Variants in UBN2 observed in about 807,000 individuals in gnomAD.
The protein encoded by UBN2 is ubinuclein-2.
Under a neutral mutation model 120.2 loss-of-function variants are expected in UBN2, and 35 were observed. The ratio of observed to expected loss-of-function variants is 0.29; its 90% CI spans 0.22 to 0.39. The LOEUF is 0.39. Among genes scored for constraint, UBN2 ranks in the 10% least tolerant of loss-of-function variants. UBN2 has a pLI of 1.00. For missense variants in UBN2, 1,693 were observed against 1,663.2 expected, an observed-to-expected ratio of 1.02 and a Z score of -0.31; for synonymous variants, 661 against 648.7, an observed-to-expected ratio of 1.02 and a Z score of -0.29.
intron 6 of UBN2, among the ~76,000 whole-genome samples, chr7:139,262,391 C>G (rs1482154548): frequency 6.6e-6 from 1 of 152,118 alleles, no homozygotes; most frequent in Non-Finnish European, 1.5e-5. Context: ...TGACCCACTG[C>G]GCCCAGCCTA....
Position 139,269,528 on chromosome 7 carries a change from G to C in UBN2, c.1596+5G>C. The C allele has an allele frequency of 6.2e-7, 1 of 1,613,452 alleles. No homozygotes were observed. The highest frequency in any genetic ancestry group is 8.5e-7 in the Non-Finnish European group (1 of 1,179,846). On this transcript the variant is annotated splice_donor_5th_base_variant and intron_variant, in intron 8 of 17. Coordinates refer to ENST00000473989, the MANE Select transcript of UBN2 (RefSeq NM_173569.4). ...AAGTTACATCTCAATGTCCAGGTAA[G>C]AGGAAGAACAATAATATCTACATCT...
At chr7:139,251,882 T>C in intron 2 of UBN2, 74 bp from the exon 3 acceptor site, 1 of 1,422,992 alleles carries the variant, frequency 7.0e-7, no homozygotes, top group Non-Finnish European at 9.9e-7. Context: ...ATTTGAATTC[T>C]TCTAACAGGT....
At chr7:139,237,314 G>A (rs1796190776) in intron 2 of UBN2, among the ~76,000 whole-genome samples, 1 of 151,942 alleles carries the variant, frequency 6.6e-6, no homozygotes, top group Non-Finnish European at 1.5e-5. Flanking sequence ...TATTTATTTT[G>A]GAAACAGGGT....
Position 139,272,431 on chromosome 7 carries a change from A to T in UBN2, c.1706A>T (p.Lys569Met), listed in dbSNP as rs760572887. 1.2e-6 allele frequency: 2 copies of T among 1,611,972 alleles called. No individual in the cohort carries two copies. Among genetic ancestry groups the T allele is most frequent in the South Asian group, 2.2e-5 (2 of 90,594 alleles). ...QEDCQARSQAKCAKLQTDEER... is the reference protein window; with the variant it reads ...QEDCQARSQAMCAKLQTDEER... ...GACTGCCAGGCTCGTAGTCAAGCTA[A>T]GTGTGCCAAGTATGTATCTCTTCTA... Residue 569 changes from lysine to methionine, a missense_variant, in exon 9 of 18, where the codon AAG becomes ATG. This residue lies in a region of UBN2 where 178 missense variants were observed against 204.0 expected (regional missense o/e 0.87). Coordinates refer to ENST00000473989, the MANE Select transcript of UBN2 (RefSeq NM_173569.4).
At chr7:139,255,753 T>G (rs1408116228) in intron 3 of UBN2, among the ~76,000 whole-genome samples, 1 of 152,196 alleles carries the variant, frequency 6.6e-6, no homozygotes, top group Non-Finnish European at 1.5e-5. Context: ...TAATATATTC[T>G]GAATCATGCA....
chr7:139,269,434 A>G lies in UBN2; in HGVS notation c.1507A>G (p.Ser503Gly). 1 of 1,614,184 alleles carries G rather than the reference A, an allele frequency of 6.2e-7. No homozygotes were observed. The highest frequency in any genetic ancestry group is 8.5e-7 in the Non-Finnish European group (1 of 1,180,016). The change falls in exon 8 of 18, where the codon AGT becomes GGT. Residue 503 changes from serine (S) to glycine (G), a missense_variant. This residue lies in a region of UBN2 where 178 missense variants were observed against 204.0 expected (regional missense o/e 0.87). Coordinates refer to ENST00000473989, the MANE Select transcript of UBN2 (RefSeq NM_173569.4). ...ACAAGAACTAGGCCCTGTCATTCGCAGTGGTGTCTACTCCCACCTTGAAGC... is the reference window on the plus strand; with the variant it reads ...ACAAGAACTAGGCCCTGTCATTCGCGGTGGTGTCTACTCCCACCTTGAAGC... ...QLQELGPVIR[S>G]GVYSHLEAFV...
the UBN2 span, among the ~76,000 whole-genome samples, chr7:139,327,000 T>G: frequency 2.0e-5 from 3 of 152,212 alleles, no homozygotes; most frequent in African/African-American, 7.2e-5. Flanking sequence ...ATCCTTTTAA[T>G]GAAAGTATTT....
At chr7:139,323,722 T>C in the UBN2 span, among the ~76,000 whole-genome samples, 2 of 151,986 alleles carry the variant, frequency 1.3e-5, no homozygotes, top group Admixed American at 6.6e-5. Flanking sequence ...CCTGAGTAGC[T>C]GGGATTACAG....
chr7:139,267,768 G>A (rs1158690809), intron 7 of UBN2, among the ~76,000 whole-genome samples: 1 of 152,104 alleles, frequency 6.6e-6, no homozygotes, highest in East Asian at 1.9e-4. Flanking sequence ...TTAGTCTGCC[G>A]CTAGTATGGT....
At position 139,237,008 on chromosome 7, in the gene UBN2, A is replaced by C. The variant is rs774123880; in HGVS notation, c.472A>C (p.Lys158Gln). 1.1e-5 allele frequency: 18 copies of C among 1,604,406 alleles called. No homozygotes were observed. The highest frequency in any genetic ancestry group is 2.7e-5 in the African/African-American group (2 of 74,658). ...ELLLCGEQRK[K>Q]LIHTEDPFND... ...TTTCCCATTCACCTTGAATCAGAAG[A>C]AGCTCATTCACACAGAAGACCCATT... Residue 158 changes from lysine (K) to glutamine (Q), a missense_variant, in exon 2 of 18, where the codon AAG becomes CAG. Around this residue, in one of 5 missense-constraint regions of UBN2, gnomAD observed 663 missense variants for 591.2 expected, o/e 1.12. Coordinates refer to ENST00000473989, the MANE Select transcript of UBN2 (RefSeq NM_173569.4).
chr7:139,259,129 C>G, intron 4 of UBN2, 138 bp from the exon 5 acceptor site: 2 of 1,315,362 alleles, frequency 1.5e-6, no homozygotes, highest in Non-Finnish European at 2.0e-6. Context: ...CTCTTGAACC[C>G]CAAGGATCTG....
the UBN2 span, among the ~76,000 whole-genome samples, chr7:139,329,605 G>C: frequency 1.3e-5 from 2 of 152,254 alleles, no homozygotes; most frequent in South Asian, 4.1e-4. Context: ...AGCCATAGGA[G>C]TTTTTAGTTA....
chr7:139,252,065 A>T lies in UBN2; in HGVS notation c.663+8A>T. On this transcript the variant is annotated splice_region_variant and intron_variant, in intron 3 of 17. Transcript: ENST00000473989. ...ATTGATAACTCAGAGGCTGTGAGTA[A>T]TGTATCTTTAATATAGCAGCAAATT... is the stretch of plus-strand genomic sequence containing the variant. The T allele has an allele frequency of 6.2e-7, 1 of 1,609,950 alleles. No individual in the cohort carries two copies. The highest frequency in any genetic ancestry group is 8.5e-7 in the Non-Finnish European group (1 of 1,176,252).
rs1584978155 is a variant in UBN2 at position 139,231,566 on chromosome 7, G to A, written c.82G>A (p.Glu28Lys). The change falls in exon 1 of 18, where the codon GAG (glutamate) becomes AAG (lysine). Residue 28 changes from glutamate to lysine, a missense_variant. Transcript: ENST00000473989. ...GGCCGAGTACCCGGGGCCCGAGCGTGAGCCCGAGTACCCCCGCGAGCCCCC... is the reference window on the plus strand; with the variant it reads ...GGCCGAGTACCCGGGGCCCGAGCGTAAGCCCGAGTACCCCCGCGAGCCCCC... ...REAEYPGPER[E>K]PEYPREPPRL... The A allele has an allele frequency of 5.7e-6, 8 of 1,411,376 alleles. No individual in the cohort carries two copies. Among genetic ancestry groups the A allele is most frequent in the Middle Eastern group, 1.9e-4 (1 of 5,198 alleles). 87.4% of individuals were successfully genotyped at this position (1,411,376 alleles called of 1,614,324 possible).
the UBN2 span, among the ~76,000 whole-genome samples, chr7:139,327,042 A>T: frequency 4.6e-5 from 7 of 151,876 alleles, no homozygotes; most frequent in Admixed American, 1.3e-4. Flanking sequence ...TTATTTGTTT[A>T]TTTTTTTTGA....
Position 139,283,986 on chromosome 7 carries a change from C to T in UBN2, c.3081C>T (p.Phe1027=), listed in dbSNP as rs1394555793. ...TGTCACAGATCTCCACGCAGGGTTT[C>T]AAATCTCCCTTCTCGATGGCTGCCT... The part of the protein sequence containing the change: ...AMVSQISTQG[F]KSPFSMAASP... The change falls in exon 15 of 18, where the codon TTC becomes TTT. Residue 1027 remains phenylalanine (F), a synonymous_variant. Transcript: ENST00000473989. 1 of 1,614,108 alleles carries T rather than the reference C, an allele frequency of 6.2e-7. No individual in the cohort carries two copies. Among genetic ancestry groups the T allele is most frequent in the Non-Finnish European group, 8.5e-7 (1 of 1,180,018 alleles).
the UBN2 span, among the ~76,000 whole-genome samples, chr7:139,321,411 G>A: frequency 1.3e-5 from 2 of 152,246 alleles, no homozygotes; most frequent in Non-Finnish European, 2.9e-5. Context: ...GTCTTCTGGA[G>A]TTTGAGGGAC....
At chr7:139,274,947 T>G (rs2131015262) in intron 11 of UBN2, among the ~76,000 whole-genome samples, 1 of 151,884 alleles carries the variant, frequency 6.6e-6, no homozygotes, top group Admixed American at 6.6e-5. Flanking sequence ...GAGAGATATC[T>G]CAAGAAACAA....
intron 17 of UBN2, among the ~76,000 whole-genome samples, chr7:139,297,299 C>T (rs1798136767): frequency 6.6e-6 from 1 of 151,068 alleles, no homozygotes; most frequent in Admixed American, 6.6e-5. Flanking sequence ...TTTTTCACTA[C>T]AGATGAAAAG....
Sources: gnomAD v4.1 joint callset for allele counts (sites outside exome capture counted in the v4.1 genomes callset) on GRCh38, gnomAD v4.1.1 for gene constraint, gnomAD v4.1.1 regional missense constraint, MANE v1.5 for transcripts, NCBI Gene and HGNC (gene_info 2026-07-23, HGNC 2026-07-21) for gene names.